The following TMTC2 variants were observed in gnomAD, a reference collection of about 807,000 sequenced individuals.
TMTC2 encodes the protein transmembrane O-mannosyltransferase targeting cadherins 2.
A neutral mutation model predicts 82.4 loss-of-function variants in TMTC2; 43 were observed. The observed-to-expected ratio is 0.52, with a 90% CI of 0.41 to 0.67. The LOEUF (loss-of-function observed/expected upper bound fraction) is 0.67. Ranked by LOEUF, TMTC2 falls within the 30% of genes least tolerant of loss-of-function variation. TMTC2 has a pLI of 0.00. For missense variants in TMTC2, 919 were observed against 1,012.4 expected, an observed-to-expected ratio of 0.91 and a Z score of 1.25; for synonymous variants, 408 against 381.9, an observed-to-expected ratio of 1.07 and a Z score of -0.80.
At position 82,895,848 on chromosome 12, in the gene TMTC2, A is replaced by G; in HGVS notation, c.685A>G (p.Ser229Gly). ...RKNLSLFLSISLLIFWGSSLL... is the reference protein window; with the variant it reads ...RKNLSLFLSIGLLIFWGSSLL... Reference sequence around the variant, plus strand: ...GAACTTGTCGCTTTTCCTAAGCATTAGTTTGTTAATTTTCTGGGGTTCCTC... The same window carrying G: ...GAACTTGTCGCTTTTCCTAAGCATTGGTTTGTTAATTTTCTGGGGTTCCTC... The change falls in exon 3 of 12, where the codon AGT becomes GGT. Residue 229 changes from serine (S) to glycine (G), a missense_variant. Physicochemically the swap from Ser to Gly is moderately conservative, Grantham distance 56. Coordinates refer to ENST00000321196, the MANE Select transcript of TMTC2 (RefSeq NM_152588.3). The G allele has an allele frequency of 6.2e-6, 10 of 1,612,238 alleles. No homozygotes were observed. Among genetic ancestry groups the G allele is most frequent in the Non-Finnish European group, 8.5e-6 (10 of 1,179,212 alleles).
At chr12:82,785,675 A>C (rs373161506) in intron 1 of TMTC2, among the ~76,000 whole-genome samples, 5 of 152,242 alleles carry the variant, frequency 3.3e-5, no homozygotes, top group African/African-American at 1.2e-4. Context: ...AATGCCCTCA[A>C]TAAAATAATG....
At chr12:82,898,968 T>TTCAGCA (rs1873821894) in intron 3 of TMTC2, among the ~76,000 whole-genome samples, 1 of 152,228 alleles carries the variant, frequency 6.6e-6, no homozygotes, top group African/African-American at 2.4e-5. Context: ...TAGCTGGTAT[T>TTCAGCA]TTTGCTGAAA....
intron 1 of TMTC2, among the ~76,000 whole-genome samples, chr12:82,821,180 A>G (rs997688225): frequency 6.6e-6 from 1 of 152,188 alleles, no homozygotes; most frequent in African/African-American, 2.4e-5. Flanking sequence ...TTTATGATCA[A>G]GTACATTAAA....
intron 1 of TMTC2, among the ~76,000 whole-genome samples, chr12:82,709,904 T>C (rs1445390866): frequency 1.3e-5 from 2 of 152,198 alleles, no homozygotes; most frequent in African/African-American, 4.8e-5. Flanking sequence ...ACAGAGGCAG[T>C]AAATTTGTTG....
At chr12:82,805,381 A>G (rs1397013945) in intron 1 of TMTC2, among the ~76,000 whole-genome samples, 3 of 151,922 alleles carry the variant, frequency 2.0e-5, no homozygotes, top group Non-Finnish European at 4.4e-5. Flanking sequence ...CTTTGAATAA[A>G]TTTTGCTTCT....
intron 1 of TMTC2, among the ~76,000 whole-genome samples, chr12:82,814,236 T>A (rs1249959452): frequency 6.6e-6 from 1 of 152,046 alleles, no homozygotes; most frequent in African/African-American, 2.4e-5. Context: ...AGGGAAAAAA[T>A]TTGTTTTTCA....
intron 7 of TMTC2, among the ~76,000 whole-genome samples, chr12:82,968,832 C>A (rs1331951340): frequency 6.6e-6 from 1 of 152,152 alleles, no homozygotes; most frequent in Non-Finnish European, 1.5e-5. Context: ...TCTTTTGTCT[C>A]ATTTTCCATT....
intron 8 of TMTC2, among the ~76,000 whole-genome samples, chr12:83,000,387 G>A (rs1193389272): frequency 6.6e-6 from 1 of 152,162 alleles, no homozygotes; most frequent in Admixed American, 6.5e-5. Context: ...GCCCTCCTCA[G>A]CCTCCCAAAG....
rs528764565 is a variant in TMTC2, at chr12:82,897,486, A to G, written c.1483+840A>G. Reference sequence around the variant, plus strand: ...ATGTAAATTTTTAGTGCAGAAATATATCATAGTAAATAGTACTAAAGAGTC... The same window carrying G: ...ATGTAAATTTTTAGTGCAGAAATATGTCATAGTAAATAGTACTAAAGAGTC... On this transcript the variant is annotated intron_variant, in intron 3 of 11. Coordinates refer to ENST00000321196, the MANE Select transcript of TMTC2 (RefSeq NM_152588.3). Among the ~76,000 whole-genome samples, 19 of 152,312 alleles carry G rather than the reference A, an allele frequency of 1.2e-4. No homozygotes were observed. In the East Asian group the frequency reaches 3.7e-3, roughly 29 times the overall value.
intron 1 of TMTC2, among the ~76,000 whole-genome samples, chr12:82,818,373 G>A (rs1332498569): frequency 5.3e-5 from 8 of 151,922 alleles, no homozygotes; most frequent in Admixed American, 5.3e-4. Context: ...TATTACTTAT[G>A]GGAAGTCCAA....
At chr12:83,086,372 T>G (rs757023642) in intron 11 of TMTC2, among the ~76,000 whole-genome samples, 1 of 152,164 alleles carries the variant, frequency 6.6e-6, no homozygotes, top group Non-Finnish European at 1.5e-5. Context: ...CCAGGATCCT[T>G]TTTGTAAAGC....
chr12:82,802,336 A>G (rs1033498672), intron 1 of TMTC2, among the ~76,000 whole-genome samples: 2 of 151,918 alleles, frequency 1.3e-5, no homozygotes, highest in African/African-American at 2.4e-5. Context: ...CTCCCTCCAC[A>G]CCTCCCCGCA....
chr12:82,941,396 GA>G (rs1876711061), intron 4 of TMTC2, among the ~76,000 whole-genome samples: 1 of 152,158 alleles, frequency 6.6e-6, no homozygotes. Context: ...ATAAACTAAT[GA>G]ATGAATTAAT....
chr12:82,822,522 T>G (rs1483699324), intron 1 of TMTC2, among the ~76,000 whole-genome samples: 1 of 152,166 alleles, frequency 6.6e-6, no homozygotes. Flanking sequence ...TCCCCTTTTT[T>G]GGGGGGTGAG....
chr12:82,704,982 T>G (rs555466196), intron 1 of TMTC2, among the ~76,000 whole-genome samples: 1 of 152,294 alleles, frequency 6.6e-6, no homozygotes, highest in East Asian at 1.9e-4. Context: ...CTGTGGCATA[T>G]GTATACGATG....
chr12:82,724,747 G>A (rs1033949052), intron 1 of TMTC2, among the ~76,000 whole-genome samples: 3 of 152,130 alleles, frequency 2.0e-5, no homozygotes, highest in African/African-American at 4.8e-5. Context: ...AAATAGGTTG[G>A]TGTGATTCTC....
chr12:82,738,821 T>C (rs1875243726), intron 1 of TMTC2, among the ~76,000 whole-genome samples: 1 of 152,112 alleles, frequency 6.6e-6, no homozygotes, highest in Non-Finnish European at 1.5e-5. Flanking sequence ...ATTAGTAAAA[T>C]GTTATTTAAT....
At chr12:82,970,443 T>C (rs1451355251) in intron 7 of TMTC2, among the ~76,000 whole-genome samples, 2 of 151,808 alleles carry the variant, frequency 1.3e-5, no homozygotes. Flanking sequence ...GCCATTCTCC[T>C]GCCTCAGCCT....
At chr12:82,797,713 C>T (rs1878788366) in intron 1 of TMTC2, among the ~76,000 whole-genome samples, 2 of 151,726 alleles carry the variant, frequency 1.3e-5, no homozygotes, top group Admixed American at 1.3e-4. Context: ...GGTTTTCTGG[C>T]TTACTCATAT....
Sources: allele counts gnomAD v4.1 joint callset (sites outside exome capture counted in the v4.1 genomes callset), GRCh38; gene constraint gnomAD v4.1.1; transcripts MANE v1.5; gene names NCBI Gene and HGNC (gene_info 2026-07-23, HGNC 2026-07-21).